FAM91A1: variants seen among roughly 807,000 people sequenced by gnomAD.
The protein encoded by FAM91A1 is protein FAM91A1.
FAM91A1 carries 41 observed loss-of-function variants against 113.5 expected under a neutral mutation model. The ratio of observed to expected loss-of-function variants is 0.36; its 90% CI spans 0.28 to 0.47. The LOEUF is 0.47. FAM91A1 is among the 20% of genes least tolerant of loss of function. FAM91A1 has a pLI of 1.00. For missense variants in FAM91A1, 696 were observed against 1,001.2 expected, an observed-to-expected ratio of 0.70 and a Z score of 4.11; for synonymous variants, 307 against 347.9, an observed-to-expected ratio of 0.88 and a Z score of 1.31.
At chr8:123,776,774 C>T (rs186993479) in intron 3 of FAM91A1, among the ~76,000 whole-genome samples, 1 of 152,266 alleles carries the variant, frequency 6.6e-6, no homozygotes, top group East Asian at 1.9e-4. Context: ...ATTGGAGAAA[C>T]AGATTGGGGC....
intron 12 of FAM91A1, 58 bp from the exon 13 acceptor site, chr8:123,787,203 A>C: frequency 6.0e-6 from 8 of 1,328,242 alleles, no homozygotes; most frequent in Non-Finnish European, 8.6e-6. Context: ...CTTTCACTCC[A>C]AATGGTAAGC....
At position 123,815,194 on chromosome 8, in the gene FAM91A1, G is replaced by A. The variant is rs1188753541; in HGVS notation, c.*2490G>A. ...AGATGATTTTATGTTTTTTTTTCAG[G>A]GGAGCGGAATATTGGTTTCTTTTAC... is the stretch of plus-strand genomic sequence containing the variant. On this transcript the variant is annotated 3_prime_UTR_variant, in exon 24 of 24. Coordinates refer to ENST00000334705, the MANE Select transcript of FAM91A1 (RefSeq NM_144963.4). The A allele has an allele frequency of 1.3e-5, 2 of 151,580 alleles. No homozygotes were observed. The highest frequency in any genetic ancestry group is 2.9e-5 in the Non-Finnish European group (2 of 67,808). 9.4% of individuals were successfully genotyped at this position (151,580 alleles called of 1,614,324 possible).
chr8:123,799,388 C>G (rs1034042870), intron 16 of FAM91A1, 132 bp from the exon 17 acceptor site: 1 of 769,214 alleles, frequency 1.3e-6, no homozygotes, highest in African/African-American at 1.8e-5. Context: ...TTTAATGAAA[C>G]ATTTAAAGTT....
chr8:123,785,735 G>A lies in FAM91A1; in HGVS notation c.956G>A (p.Arg319Lys), dbSNP rs1257068413. 6.4e-7 allele frequency: 1 copy of A among 1,571,142 alleles called. No homozygotes were observed. ...TGGAAGAATGTTCCATCCGTAAACAGATTAAAGTAACTTAAATTTATTCAG... is the reference window on the plus strand; with the variant it reads ...TGGAAGAATGTTCCATCCGTAAACAAATTAAAGTAACTTAAATTTATTCAG... ...SSWKNVPSVN[R>K]LKSTLDPQKM... Residue 319 changes from arginine (R) to lysine (K), a missense_variant, in exon 11 of 24, where the codon AGA (arginine) becomes AAA (lysine). Coordinates refer to ENST00000334705, the MANE Select transcript of FAM91A1 (RefSeq NM_144963.4).
chr8:123,797,578 T>A (rs1189512287), intron 15 of FAM91A1, among the ~76,000 whole-genome samples: 1 of 152,236 alleles, frequency 6.6e-6, no homozygotes, highest in Non-Finnish European at 1.5e-5. Context: ...TTCTTCCTTA[T>A]GATTTTTTTT....
At chr8:123,768,873 T>TC in intron 1 of FAM91A1, 99 bp downstream of exon 1, 1 of 1,228,246 alleles carries the variant, frequency 8.1e-7, no homozygotes, top group Non-Finnish European at 1.2e-6. Context: ...TGCTGCCGGC[T>TC]GACTCCCTTC....
At chr8:123,805,445 G>A in intron 19 of FAM91A1, 106 bp downstream of exon 19, 1 of 937,938 alleles carries the variant, frequency 1.1e-6, no homozygotes. Context: ...AAATTTTTAA[G>A]TTCTAGGTTC....
chr8:123,784,522 AACTCT>A lies in FAM91A1; in HGVS notation c.763_767del (p.Leu255Ter), dbSNP rs775303331. On this transcript the variant is annotated frameshift_variant, in exon 9 of 24. Transcript: ENST00000334705. LOFTEE classifies it high-confidence loss of function. ...ATCGAGTGCAAGGTGATTATTTTGA[AACTCT>A]ACTCTATAAGATATTTGTTTCAATA... 9.3e-6 allele frequency: 15 copies of A among 1,608,206 alleles called. No homozygotes were observed. Among genetic ancestry groups the A allele is most frequent in the South Asian group, 1.1e-5 (1 of 89,322 alleles).
At chr8:123,809,913 C>A (rs1031763496) in intron 22 of FAM91A1, among the ~76,000 whole-genome samples, 2 of 152,152 alleles carry the variant, frequency 1.3e-5, no homozygotes, top group Non-Finnish European at 2.9e-5. Context: ...TTGTCTTTTG[C>A]AATTACTTTG....
chr8:123,805,930 T>A, intron 19 of FAM91A1, 150 bp from the exon 20 acceptor site: 1 of 685,746 alleles, frequency 1.5e-6, no homozygotes, highest in Admixed American at 3.9e-5. Flanking sequence ...TCAGTAAGAA[T>A]GACAACTTTA....
At chr8:123,807,629 G>A (rs1204599267) in intron 20 of FAM91A1, among the ~76,000 whole-genome samples, 1 of 152,136 alleles carries the variant, frequency 6.6e-6, no homozygotes, top group Non-Finnish European at 1.5e-5. Context: ...CACAGAGAAG[G>A]CCTCTTAGAG....
chr8:123,775,073 TG>T, intron 2 of FAM91A1, 73 bp from the exon 3 acceptor site: 1 of 1,376,316 alleles, frequency 7.3e-7, no homozygotes, highest in Non-Finnish European at 9.7e-7. Context: ...ACTGTTGGTT[TG>T]TAAAGTGTTC....
In FAM91A1 at chr8:123,779,988, T is replaced by G; in HGVS notation, c.553T>G (p.Cys185Gly). 6.2e-7 allele frequency: 1 copy of G among 1,612,706 alleles called. No homozygotes were observed. The highest frequency in any genetic ancestry group is 8.5e-7 in the Non-Finnish European group (1 of 1,179,318). ...GYITEDDIKI[C>G]TLPEKCAVDK... is the part of the protein sequence containing the mutation. ...AAAAATATTTTGCTTTTCTTAGATATGCACTTTGCCTGAGAAATGCGCTGT... is the reference window on the plus strand; with the variant it reads ...AAAAATATTTTGCTTTTCTTAGATAGGCACTTTGCCTGAGAAATGCGCTGT... The change falls in exon 7 of 24, where the codon TGC becomes GGC. Residue 185 changes from cysteine to glycine, a missense_variant. By Grantham distance (159) the Cys-to-Gly change is radical. Transcript: ENST00000334705.
At chr8:123,775,434 ATT>A in intron 3 of FAM91A1, 136 bp downstream of exon 3, 1 of 1,073,324 alleles carries the variant, frequency 9.3e-7, no homozygotes, top group Non-Finnish European at 1.3e-6. Flanking sequence ...AAAAAGGACT[ATT>A]GGTGGCTTGT....
At chr8:123,791,558 A>G (rs1815386462) in intron 15 of FAM91A1, among the ~76,000 whole-genome samples, 1 of 152,154 alleles carries the variant, frequency 6.6e-6, no homozygotes, top group South Asian at 2.1e-4. Flanking sequence ...TGCTTAGAAT[A>G]ATTGCTGGGT....
In FAM91A1 at chr8:123,786,669, A is replaced by G. The variant is rs79514007; in HGVS notation, c.1078+59A>G. 986 of 1,214,932 alleles carry G rather than the reference A, an allele frequency of 8.1e-4. 8 individuals are homozygous for G. In the African/African-American group the frequency reaches 0.013, roughly 16 times the overall value. 75.3% of individuals were successfully genotyped at this position (1,214,932 alleles called of 1,614,324 possible). A position where few individuals can be genotyped will look rare whatever the true frequency, so the allele number is the denominator to read the frequency against. ...CTGTAGGTACGGCACATGTCCAAAC[A>G]TACACTCTTACAGTTACCTTCTAAT... On this transcript the variant is annotated intron_variant, in intron 12 of 23. Transcript: ENST00000334705.
At chr8:123,796,655 C>CA (rs1563645010) in intron 15 of FAM91A1, among the ~76,000 whole-genome samples, 11 of 151,076 alleles carry the variant, frequency 7.3e-5, no homozygotes, top group Non-Finnish European at 1.6e-4. Context: ...GACGGGGTTT[C>CA]GCCATGTTGA....
In FAM91A1 at chr8:123,799,864, A is replaced by G. The variant is rs546603814; in HGVS notation, c.1788A>G (p.Thr596=). ...NVLTMLNDAL[T]HSAVLIQGHG... ...TCACGATGTTGAATGATGCTTTAAC[A>G]CATTCTGCAGTTTTAATTCAGGTAC... is the stretch of plus-strand genomic sequence containing the variant. Residue 596 remains threonine, a synonymous_variant, in exon 18 of 24, where the codon ACA becomes ACG. Coordinates refer to ENST00000334705, the MANE Select transcript of FAM91A1 (RefSeq NM_144963.4). 1.9e-6 allele frequency: 3 copies of G among 1,597,658 alleles called. No homozygotes were observed. The highest frequency in any genetic ancestry group is 2.2e-5 in the East Asian group (1 of 44,494).
intron 23 of FAM91A1, 107 bp from the exon 24 acceptor site, chr8:123,812,412 A>G: frequency 1.0e-6 from 1 of 952,818 alleles, no homozygotes. Flanking sequence ...CTGCTTTGCA[A>G]TCCATAAACA....
Sources: allele counts gnomAD v4.1 joint callset (sites outside exome capture counted in the v4.1 genomes callset), GRCh38; gene constraint gnomAD v4.1.1; transcripts MANE v1.5; gene names NCBI Gene and HGNC (gene_info 2026-07-23, HGNC 2026-07-21).